TMEFF2: variants seen among roughly 807,000 people sequenced by gnomAD.
The protein encoded by TMEFF2 is transmembrane protein with EGF like and two follistatin like domains 2, also known as tomoregulin-2.
In TMEFF2, 28 loss-of-function variants were observed where a neutral mutation model predicts 53.8. The observed-to-expected ratio is 0.52, with a 90% CI of 0.39 to 0.71. TMEFF2 has a LOEUF of 0.71. Ranked by LOEUF, TMEFF2 falls within the 30% of genes least tolerant of loss-of-function variation. The probability of loss-of-function intolerance (pLI) is 0.00; values close to 1 mark genes in which losing one functional copy is unlikely to be tolerated. For missense variants in TMEFF2, 353 were observed against 455.2 expected, an observed-to-expected ratio of 0.78 and a Z score of 2.04; for synonymous variants, 162 against 166.3, an observed-to-expected ratio of 0.97 and a Z score of 0.20.
intron 4 of TMEFF2, among the ~76,000 whole-genome samples, chr2:192,066,103 C>T (rs929316502): frequency 6.6e-6 from 1 of 151,630 alleles, no homozygotes; most frequent in Non-Finnish European, 1.5e-5. Context: ...AACAAGAAAA[C>T]ACTTTCCTTT....
chr2:192,146,770 T>G (rs1231979624), intron 4 of TMEFF2, among the ~76,000 whole-genome samples: 1 of 152,058 alleles, frequency 6.6e-6, no homozygotes, highest in Non-Finnish European at 1.5e-5. Context: ...CAGAGAAACT[T>G]GCATAAGAGC....
chr2:192,069,935 ATTTCCCTGTTT>A (rs1688247344), intron 4 of TMEFF2, among the ~76,000 whole-genome samples: 1 of 131,414 alleles, frequency 7.6e-6, no homozygotes, highest in African/African-American at 2.7e-5. Context: ...AAATTAATCA[ATTTCCCTGTTT>A]TTTCTAGATT....
At position 191,949,327 on chromosome 2, in the gene TMEFF2, C is replaced by T. The variant is rs1293147349; in HGVS notation, c.*984G>A. 4.1e-6 allele frequency: 4 copies of T among 985,218 alleles called. No homozygotes were observed. Among genetic ancestry groups the T allele is most frequent in the Middle Eastern group, 5.2e-4 (1 of 1,936 alleles). 61.0% of individuals were successfully genotyped at this position (985,218 alleles called of 1,614,324 possible). On this transcript the variant is annotated 3_prime_UTR_variant, in exon 10 of 10. Transcript: ENST00000272771. ...ACATCTCTCTGTTTTCATGAAATATCGTCATCATCATCTTAGTTCCATTAC... is the reference window on the plus strand; with the variant it reads ...ACATCTCTCTGTTTTCATGAAATATTGTCATCATCATCTTAGTTCCATTAC...
At chr2:191,990,598 T>C (rs1421762641) in intron 7 of TMEFF2, among the ~76,000 whole-genome samples, 2 of 152,134 alleles carry the variant, frequency 1.3e-5, no homozygotes, top group Admixed American at 1.3e-4. Flanking sequence ...TAACATATAC[T>C]TGAGGTAAAA....
intron 7 of TMEFF2, among the ~76,000 whole-genome samples, chr2:191,966,983 C>T (rs1692489816): frequency 6.6e-6 from 1 of 150,474 alleles, no homozygotes; most frequent in Non-Finnish European, 1.5e-5. Context: ...AGAAAAGACA[C>T]TAGAAGAAAT....
intron 4 of TMEFF2, among the ~76,000 whole-genome samples, chr2:192,075,310 T>TATATATATATATATAA (rs1559115154): frequency 1.3e-5 from 1 of 74,914 alleles, no homozygotes; most frequent in Non-Finnish European, 2.7e-5. Flanking sequence ...TATATATATA[T>TATATATATATATATAA]ATATATATAT....
chr2:192,133,412 C>T (rs1265004771), intron 4 of TMEFF2, among the ~76,000 whole-genome samples: 3 of 152,154 alleles, frequency 2.0e-5, no homozygotes, highest in Non-Finnish European at 4.4e-5. Flanking sequence ...ATATCCCATC[C>T]CACAGCATGC....
chr2:192,148,561 A>C (rs1483382116), intron 4 of TMEFF2, among the ~76,000 whole-genome samples: 1 of 151,966 alleles, frequency 6.6e-6, no homozygotes, highest in Non-Finnish European at 1.5e-5. Flanking sequence ...GTGATATGTC[A>C]TTGACTATCA....
At position 192,155,585 on chromosome 2, in the gene TMEFF2, G is replaced by C. The variant is rs568902607; in HGVS notation, c.439+24083C>G. Reference sequence around the variant, plus strand: ...TAAGCCATAGCTGCTAATTGGACAAGAGAGAGGGGAGGCTTAGCTGTATTT... The same window carrying C: ...TAAGCCATAGCTGCTAATTGGACAACAGAGAGGGGAGGCTTAGCTGTATTT... On this transcript the variant is annotated intron_variant, in intron 4 of 9. Transcript: ENST00000272771. Among the ~76,000 whole-genome samples the C allele has an allele frequency of 5.3e-5, 8 of 152,094 alleles. No homozygotes were observed. In the South Asian group the frequency reaches 1.7e-3, roughly 32 times the overall value.
chr2:192,024,352 A>C (rs2105864256), intron 5 of TMEFF2, among the ~76,000 whole-genome samples: 1 of 152,292 alleles, frequency 6.6e-6, no homozygotes, highest in African/African-American at 2.4e-5. Flanking sequence ...TTTGCTTTTA[A>C]AAATATGATG....
chr2:192,188,076 A>G (rs373492785), intron 2 of TMEFF2, among the ~76,000 whole-genome samples: 2 of 152,332 alleles, frequency 1.3e-5, no homozygotes, highest in South Asian at 2.1e-4. Flanking sequence ...GGGATATGGT[A>G]TATTTTTCTT....
chr2:192,169,126 AGTC>A (rs747956043), intron 4 of TMEFF2, among the ~76,000 whole-genome samples: 20 of 152,144 alleles, frequency 1.3e-4, no homozygotes, highest in Non-Finnish European at 2.9e-4. Flanking sequence ...AGGTATTAAT[AGTC>A]ATTAGCCTGA....
At chr2:191,987,417 T>A (rs1166480144) in intron 7 of TMEFF2, among the ~76,000 whole-genome samples, 1 of 152,082 alleles carries the variant, frequency 6.6e-6, no homozygotes, top group African/African-American at 2.4e-5. Flanking sequence ...TTTTACTTTT[T>A]TTTTTTTGAG....
intron 4 of TMEFF2, among the ~76,000 whole-genome samples, chr2:192,116,498 T>A (rs1050993560): frequency 1.3e-5 from 2 of 151,918 alleles, no homozygotes; most frequent in African/African-American, 2.4e-5. Context: ...TGTTATTTAG[T>A]AAGCAAAATG....
At chr2:192,123,119 T>C (rs1689597391) in intron 4 of TMEFF2, among the ~76,000 whole-genome samples, 1 of 152,178 alleles carries the variant, frequency 6.6e-6, no homozygotes, top group African/African-American at 2.4e-5. Flanking sequence ...AAAATTACTT[T>C]TCAACCTTTG....
At chr2:191,998,512 A>T (rs1260433322) in intron 6 of TMEFF2, among the ~76,000 whole-genome samples, 191 bp from the exon 7 acceptor site, 1 of 151,950 alleles carries the variant, frequency 6.6e-6, no homozygotes, top group African/African-American at 2.4e-5. Context: ...TAATAAAATG[A>T]AGAGAGCTTT....
intron 5 of TMEFF2, among the ~76,000 whole-genome samples, chr2:192,009,420 T>C (rs1319794469): frequency 6.6e-6 from 1 of 152,184 alleles, no homozygotes; most frequent in African/African-American, 2.4e-5. Flanking sequence ...CTTAGTGTTT[T>C]TGTAACATGT....
At chr2:192,112,625 A>T (rs1054789011) in intron 4 of TMEFF2, among the ~76,000 whole-genome samples, 2 of 152,124 alleles carry the variant, frequency 1.3e-5, no homozygotes, top group Admixed American at 6.6e-5. Flanking sequence ...GGAAGGCATG[A>T]TTGGTTTTGA....
chr2:191,964,283 T>TTTTCCTTC (rs372730139), intron 7 of TMEFF2, among the ~76,000 whole-genome samples: 1 of 149,634 alleles, frequency 6.7e-6, no homozygotes, highest in Non-Finnish European at 1.5e-5. Flanking sequence ...TTTCTTTTCC[T>TTTTCCTTC]TTTCCTTCTT....
Sources: allele counts gnomAD v4.1 joint callset (sites outside exome capture counted in the v4.1 genomes callset), GRCh38; gene constraint gnomAD v4.1.1; transcripts MANE v1.5; gene names NCBI Gene and HGNC (gene_info 2026-07-23, HGNC 2026-07-21).